Variants in MAP4K3 observed in about 807,000 individuals in gnomAD.
MAP4K3 encodes mitogen-activated protein kinase kinase kinase kinase 3, also known as MAPK/ERK kinase kinase kinase 3.
MAP4K3 carries 94 observed loss-of-function variants against 143.5 expected under a neutral mutation model. The ratio of observed to expected loss-of-function variants is 0.65; its 90% confidence interval spans 0.55 to 0.78. MAP4K3 has a LOEUF of 0.78. Among genes scored for constraint, MAP4K3 ranks in the 30% least tolerant of loss-of-function variants. The pLI is 0.00. For missense variants in MAP4K3, 1,077 were observed against 1,068.1 expected, an observed-to-expected ratio of 1.01 and a Z score of -0.12; for synonymous variants, 416 against 347.2, an observed-to-expected ratio of 1.20 and a Z score of -2.20.
At chr2:39,412,715 G>A (rs1455888028) in intron 1 of MAP4K3, among the ~76,000 whole-genome samples, 1 of 152,114 alleles carries the variant, frequency 6.6e-6, no homozygotes, top group African/African-American at 2.4e-5. Context: ...ACTATGTACA[G>A]GTTATGTACT....
intron 3 of MAP4K3, among the ~76,000 whole-genome samples, chr2:39,351,604 T>TAA (rs1259629448): frequency 6.6e-6 from 1 of 152,226 alleles, no homozygotes; most frequent in Non-Finnish European, 1.5e-5. Flanking sequence ...GTGATTTACT[T>TAA]ATTTAAGTTG....
At chr2:39,422,531 C>A (rs1306989769) in intron 1 of MAP4K3, among the ~76,000 whole-genome samples, 1 of 152,128 alleles carries the variant, frequency 6.6e-6, no homozygotes, top group East Asian at 1.9e-4. Context: ...TAAATTTCCA[C>A]TGTATAAGCC....
chr2:39,337,752 G>GTTTTTTTTTTTTTTTT (rs570853243), intron 4 of MAP4K3, among the ~76,000 whole-genome samples, 171 bp from the exon 5 acceptor site: 1 of 70,512 alleles, frequency 1.4e-5, no homozygotes, highest in African/African-American at 6.1e-5. Context: ...CCTGGCTCCA[G>GTTTTTTTTTTTTTTTT]TTTTTTTTTT....
At chr2:39,325,474 A>T in intron 12 of MAP4K3, 44 bp downstream of exon 12, 1 of 1,293,836 alleles carries the variant, frequency 7.7e-7, no homozygotes, top group South Asian at 1.2e-5. Flanking sequence ...ATATACATAC[A>T]CATATACATG....
intron 6 of MAP4K3, among the ~76,000 whole-genome samples, chr2:39,336,622 T>G (rs928637425): frequency 5.9e-5 from 9 of 152,070 alleles, no homozygotes; most frequent in Admixed American, 5.9e-4. Flanking sequence ...AACTATAACT[T>G]GATGAAAGCT....
chr2:39,330,839 C>T (rs1282512856), intron 8 of MAP4K3, among the ~76,000 whole-genome samples: 2 of 151,938 alleles, frequency 1.3e-5, no homozygotes, highest in Non-Finnish European at 2.9e-5. Flanking sequence ...TTATTAAAAT[C>T]AGGAAAAGCT....
chr2:39,369,032 G>A (rs2148568760), intron 2 of MAP4K3, among the ~76,000 whole-genome samples: 1 of 152,102 alleles, frequency 6.6e-6, no homozygotes, highest in East Asian at 1.9e-4. Context: ...ACTCAAGCAT[G>A]GCTGTCACAA....
intron 31 of MAP4K3, among the ~76,000 whole-genome samples, chr2:39,256,892 A>C (rs985923284): frequency 1.3e-5 from 2 of 152,190 alleles, no homozygotes; most frequent in Non-Finnish European, 2.9e-5. Context: ...TACTTTTGTA[A>C]CTGGAGCCCA....
chr2:39,371,781 A>C (rs1278349994), intron 2 of MAP4K3, among the ~76,000 whole-genome samples: 1 of 151,966 alleles, frequency 6.6e-6, no homozygotes, highest in African/African-American at 2.4e-5. Context: ...AGAAGAGCTA[A>C]GAAGGTCACT....
chr2:39,375,889 T>C (rs547728364), intron 2 of MAP4K3, among the ~76,000 whole-genome samples: 4 of 152,356 alleles, frequency 2.6e-5, no homozygotes, highest in African/African-American at 9.6e-5. Context: ...TTTGGTCACC[T>C]ATGTTACAGC....
At chr2:39,376,312 G>A (rs1416615125) in intron 2 of MAP4K3, among the ~76,000 whole-genome samples, 1 of 152,166 alleles carries the variant, frequency 6.6e-6, no homozygotes, top group Non-Finnish European at 1.5e-5. Flanking sequence ...AGCTGTAATA[G>A]AGGAAACATA....
At chr2:39,269,438 T>C (rs1158795825) in intron 26 of MAP4K3, among the ~76,000 whole-genome samples, 2 of 149,702 alleles carry the variant, frequency 1.3e-5, no homozygotes, top group African/African-American at 2.5e-5. Context: ...GGTTACAGCA[T>C]AGAAATCTGA....
intron 26 of MAP4K3, among the ~76,000 whole-genome samples, chr2:39,267,890 T>C (rs11677383): frequency 0.69 from 104,952 of 152,020 alleles, 39,999 homozygotes; most frequent in Non-Finnish European, 0.84. Context: ...TGATTCAACC[T>C]TAGCACCTCA....
chr2:39,326,801 C>G (rs1013935531), intron 8 of MAP4K3, among the ~76,000 whole-genome samples: 4 of 152,096 alleles, frequency 2.6e-5, no homozygotes, highest in Non-Finnish European at 4.4e-5. Context: ...AGCAGGTTCT[C>G]ACAAGGTCTG....
At chr2:39,436,356 G>T (rs1665477369) in intron 1 of MAP4K3, among the ~76,000 whole-genome samples, 1 of 150,780 alleles carries the variant, frequency 6.6e-6, no homozygotes, top group Non-Finnish European at 1.5e-5. Flanking sequence ...AAAATTAAAA[G>T]AAACTGACAG....
intron 3 of MAP4K3, 49 bp from the exon 4 acceptor site, chr2:39,343,501 C>T (rs1477803566): frequency 6.9e-7 from 1 of 1,453,598 alleles, no homozygotes; most frequent in Admixed American, 1.7e-5. Flanking sequence ...TTAAAACTGT[C>T]TGTGTGAGGT....
chr2:39,369,443 G>C (rs1666021695), intron 2 of MAP4K3, among the ~76,000 whole-genome samples: 1 of 151,786 alleles, frequency 6.6e-6, no homozygotes, highest in African/African-American at 2.4e-5. Context: ...TACTGGGCCT[G>C]GCTGCTTTGG....
chr2:39,300,358 C>A (rs1682458811), intron 15 of MAP4K3, among the ~76,000 whole-genome samples: 1 of 152,072 alleles, frequency 6.6e-6, no homozygotes, highest in African/African-American at 2.4e-5. Flanking sequence ...ATTTTTTAAG[C>A]AAAACTTCAA....
chr2:39,296,504 A>G (rs1409953432), intron 16 of MAP4K3, among the ~76,000 whole-genome samples: 2 of 152,234 alleles, frequency 1.3e-5, no homozygotes, highest in Admixed American at 1.3e-4. Flanking sequence ...TAAAATGAGT[A>G]AGAAATGTTG....
Sources: gnomAD v4.1 joint callset for allele counts (sites outside exome capture counted in the v4.1 genomes callset) on GRCh38, gnomAD v4.1.1 for gene constraint, MANE v1.5 for transcripts, NCBI Gene and HGNC (gene_info 2026-07-23, HGNC 2026-07-21) for gene names.